The following PIWIL3 variants were observed in gnomAD, a reference collection of about 807,000 sequenced individuals.
PIWIL3 encodes the protein piwi-like protein 3.
A neutral mutation model predicts 109.7 loss-of-function variants in PIWIL3; 101 were observed. That is an observed-to-expected ratio of 0.92 (90% CI 0.78 to 1.09). The LOEUF (loss-of-function observed/expected upper bound fraction) is 1.09, where lower values mean the gene tolerates loss of function less well. Among genes scored for constraint, PIWIL3 ranks in the 50% least tolerant of loss-of-function variants. The pLI, the probability that PIWIL3 is intolerant of heterozygous loss-of-function variation, is 0.00. For synonymous variants in PIWIL3, 373 were observed against 376.4 expected (o/e 0.99, Z 0.10); for missense variants, 1,031 against 1,072.6 (o/e 0.96, Z 0.54).
At chr22:24,723,076 T>C in intron 19 of PIWIL3, 54 bp downstream of exon 19, 1 of 1,564,656 alleles carries the variant, frequency 6.4e-7, no homozygotes, top group Non-Finnish European at 8.8e-7. Context: ...TGTGCTGAAC[T>C]GAAGGAAATT....
In PIWIL3 at chr22:24,728,189, C is replaced by T; in HGVS notation, c.1893G>A (p.Lys631=). The change falls in exon 15 of 21, where the codon AAG becomes AAA. Residue 631 remains lysine, a synonymous_variant. Transcript: ENST00000616349. ...AAATACAACATACGTCTGTCTCCAC[C>T]TTCCAGAGGGCTCCTCCCATCTTGC... ...MNCKMGGALW[K]VETDVQRTMF... 6.2e-7 allele frequency: 1 copy of T among 1,614,176 alleles called. No homozygotes were observed.
intron 1 of PIWIL3, among the ~76,000 whole-genome samples, chr22:24,773,954 C>A (rs1222013541): frequency 6.6e-6 from 1 of 152,010 alleles, no homozygotes; most frequent in Non-Finnish European, 1.5e-5. Context: ...ACCTCATGGT[C>A]CAGCCGCCTC....
intron 2 of PIWIL3, among the ~76,000 whole-genome samples, chr22:24,760,978 G>A (rs1925403814): frequency 6.6e-6 from 1 of 151,914 alleles, no homozygotes; most frequent in Admixed American, 6.6e-5. Context: ...AAACAATCCC[G>A]TGGTTGTTTT....
At chr22:24,758,906 T>C (rs1209419795) in intron 3 of PIWIL3, among the ~76,000 whole-genome samples, 1 of 149,572 alleles carries the variant, frequency 6.7e-6, no homozygotes, top group Non-Finnish European at 1.5e-5. Flanking sequence ...CACATACTTT[T>C]ATCTTTTCAG....
In PIWIL3 at chr22:24,754,168, C is replaced by T. The variant is rs775556342; in HGVS notation, c.823G>A (p.Glu275Lys). The T allele has an allele frequency of 1.2e-5, 19 of 1,613,834 alleles. No individual in the cohort carries two copies. Among genetic ancestry groups the T allele is most frequent in the East Asian group, 4.5e-5 (2 of 44,868 alleles). Residue 275 changes from glutamate (E) to lysine (K), a missense_variant, in exon 8 of 21, where the codon GAA becomes AAA. Coordinates refer to ENST00000616349, the MANE Select transcript of PIWIL3 (RefSeq NM_001255975.1). Reference sequence around the variant, plus strand: ...TCGGCACAGAGGGTAATGCTGTTTTCGTATTGAAGAACAGAAGTAACATAA... The same window carrying T: ...TCGGCACAGAGGGTAATGCTGTTTTTGTATTGAAGAACAGAAGTAACATAA... ...LGYVTSVLQYENSITLCADVS... is the reference protein window; with the variant it reads ...LGYVTSVLQYKNSITLCADVS...
chr22:24,737,243 C>T (rs1923710026), intron 12 of PIWIL3, among the ~76,000 whole-genome samples: 1 of 152,172 alleles, frequency 6.6e-6, no homozygotes, highest in Non-Finnish European at 1.5e-5. Flanking sequence ...ATCTTGGATA[C>T]CAGCGCAGCT....
Position 24,724,952 on chromosome 22 carries a change from A to T in PIWIL3, c.2166T>A (p.Leu722=). 6.2e-7 allele frequency: 1 copy of T among 1,614,202 alleles called. No homozygotes were observed. Among genetic ancestry groups the T allele is most frequent in the Non-Finnish European group, 8.5e-7 (1 of 1,180,028 alleles). Residue 722 remains leucine (L), a synonymous_variant, in exon 18 of 21, where the codon CTT becomes CTA. Coordinates refer to ENST00000616349, the MANE Select transcript of PIWIL3 (RefSeq NM_001255975.1). The part of the protein sequence containing the change: ...VYRDGVGDGQ[L]QALLDHEAKK... ...TCGCTTCATGGTCAAGCAATGCTTGAAGCTGACCATCTCCCACTCCATCCC... is the reference window on the plus strand; with the variant it reads ...TCGCTTCATGGTCAAGCAATGCTTGTAGCTGACCATCTCCCACTCCATCCC...
In PIWIL3 at chr22:24,731,116, G is replaced by A. The variant is rs186984016; in HGVS notation, c.1708-2742C>T. On this transcript the variant is annotated intron_variant, in intron 14 of 20. Coordinates refer to ENST00000616349, the MANE Select transcript of PIWIL3 (RefSeq NM_001255975.1). ...GGGCCTCACAGCATGACAAAATAAC[G>A]AAGGAATTCTTAGCAGGACCCATTT... Among the ~76,000 whole-genome samples the A allele has an allele frequency of 5.3e-5, 8 of 152,046 alleles. No homozygotes were observed. The East Asian group carries it at 1.4e-3, about 26-fold the overall frequency.
intron 8 of PIWIL3, among the ~76,000 whole-genome samples, chr22:24,752,024 G>A (rs1924740704): frequency 6.6e-6 from 1 of 152,132 alleles, no homozygotes; most frequent in African/African-American, 2.4e-5. Flanking sequence ...CCATGAATAA[G>A]GTTATGAACA....
intron 12 of PIWIL3, among the ~76,000 whole-genome samples, chr22:24,739,703 C>A (rs1336621548): frequency 1.3e-5 from 2 of 152,032 alleles, no homozygotes; most frequent in East Asian, 3.9e-4. Flanking sequence ...GTACTTCAAT[C>A]AGAAAAAGAG....
chr22:24,724,981 A>G lies in PIWIL3; in HGVS notation c.2137T>C (p.Tyr713His), dbSNP rs1451666203. The G allele has an allele frequency of 3.7e-6, 6 of 1,614,200 alleles. No homozygotes were observed. The highest frequency in any genetic ancestry group is 5.1e-6 in the Non-Finnish European group (6 of 1,180,018). ...ESSMPHSVIV[Y>H]RDGVGDGQLQ... ...TGACCATCTCCCACTCCATCCCGAT[A>G]CACAATAACAGAATGTGGCATCGAT... The change falls in exon 18 of 21, where the codon TAT (tyrosine) becomes CAT (histidine). Residue 713 changes from tyrosine to histidine, a missense_variant. Transcript: ENST00000616349.
intron 14 of PIWIL3, among the ~76,000 whole-genome samples, chr22:24,733,274 G>T (rs920344573): frequency 6.6e-6 from 1 of 151,936 alleles, no homozygotes; most frequent in African/African-American, 2.4e-5. Context: ...GAAAGAAGAT[G>T]AACTAGTGTA....
intron 17 of PIWIL3, 75 bp downstream of exon 17, chr22:24,725,370 C>T: frequency 6.4e-7 from 1 of 1,553,270 alleles, no homozygotes; most frequent in Non-Finnish European, 8.8e-7. Context: ...CCAAGTGTCC[C>T]CTGGAGGCAG....
intron 4 of PIWIL3, 150 bp from the exon 5 acceptor site, chr22:24,756,855 G>A (rs988445438): frequency 4.6e-6 from 3 of 647,982 alleles, no homozygotes; most frequent in Non-Finnish European, 7.8e-6. Flanking sequence ...CAAGGCGGGT[G>A]GATCACCTGA....
At chr22:24,749,149 A>T in intron 11 of PIWIL3, 128 bp from the exon 12 acceptor site, 1 of 850,712 alleles carries the variant, frequency 1.2e-6, no homozygotes, top group Non-Finnish European at 1.8e-6. Context: ...ATGCGGCAGT[A>T]CCTTCCCTGA....
intron 19 of PIWIL3, 113 bp downstream of exon 19, chr22:24,723,017 T>A (rs1363222745): frequency 4.1e-6 from 5 of 1,223,578 alleles, no homozygotes; most frequent in Non-Finnish European, 5.7e-6. Context: ...CCAAATTAGT[T>A]CTAAAGAATC....
rs142994368 is a variant in PIWIL3, at chr22:24,758,006, T to G, written c.257A>C (p.His86Pro). The G allele has an allele frequency of 3.0e-5, 48 of 1,613,774 alleles. No individual in the cohort carries two copies. The highest frequency in any genetic ancestry group is 3.9e-5 in the Non-Finnish European group (46 of 1,179,954). The part of the protein sequence containing the change: ...VKEPGPEAGL[H>P]TAPLQERRIG... ...CCTTCTCTCCTGCAAGGGCGCTGTA[T>G]GCAACCCAGCCTCAGGTCCAGGTTC... The change falls in exon 4 of 21, where the codon CAT (histidine) becomes CCT (proline). Residue 86 changes from histidine (H) to proline (P), a missense_variant. Transcript: ENST00000616349.
chr22:24,719,917 G>T (rs937037143), intron 19 of PIWIL3, 22 bp from the exon 20 acceptor site: 6 of 1,584,134 alleles, frequency 3.8e-6, no homozygotes, highest in Admixed American at 1.7e-5. Flanking sequence ...GGACATGTGG[G>T]TATCAGCTCA....
intron 16 of PIWIL3, among the ~76,000 whole-genome samples, chr22:24,726,789 T>C (rs1923027177): frequency 6.6e-6 from 1 of 152,222 alleles, no homozygotes; most frequent in Non-Finnish European, 1.5e-5. Flanking sequence ...TGGAAAAAAG[T>C]CATCATCTAT....
Sources: gnomAD v4.1 joint callset for allele counts (sites outside exome capture counted in the v4.1 genomes callset) on GRCh38, gnomAD v4.1.1 for gene constraint, MANE v1.5 for transcripts, NCBI Gene and HGNC (gene_info 2026-07-23, HGNC 2026-07-21) for gene names.